The following PBX1 variants were observed in gnomAD, a reference collection of about 807,000 sequenced individuals.
PBX1 encodes the protein pre-B-cell leukemia transcription factor 1.
A neutral mutation model predicts 53.4 loss-of-function variants in PBX1; 6 were observed. That is an observed-to-expected ratio of 0.11 (90% CI 0.06 to 0.22). The LOEUF (loss-of-function observed/expected upper bound fraction) is 0.22, where lower values mean the gene tolerates loss of function less well. Among genes scored for constraint, PBX1 ranks in the 10% least tolerant of loss-of-function variants. The pLI is 1.00. For synonymous variants in PBX1, 204 were observed against 212.3 expected, an observed-to-expected ratio of 0.96 and a Z score of 0.34; for missense variants, 251 against 551.4, an observed-to-expected ratio of 0.46 and a Z score of 5.46.
chr1:164,857,130 C>A (rs750314576), intron 2 of PBX1, among the ~76,000 whole-genome samples: 11 of 152,176 alleles, frequency 7.2e-5, no homozygotes, highest in Non-Finnish European at 1.2e-4. Flanking sequence ...CAAGCCTGCC[C>A]TCACATCAGA....
chr1:164,665,705 C>T (rs1202306282), intron 2 of PBX1, among the ~76,000 whole-genome samples: 1 of 152,240 alleles, frequency 6.6e-6, no homozygotes, highest in East Asian at 1.9e-4. Flanking sequence ...ACTGGAAACA[C>T]CTCTACCTCT....
intron 2 of PBX1, among the ~76,000 whole-genome samples, chr1:164,643,154 A>G (rs1659244929): frequency 6.6e-6 from 1 of 152,212 alleles, no homozygotes; most frequent in South Asian, 2.1e-4. Flanking sequence ...TGCCCCATCC[A>G]TCTTCATCCA....
intron 2 of PBX1, among the ~76,000 whole-genome samples, chr1:164,636,637 A>G (rs1190092462): frequency 6.6e-6 from 1 of 152,194 alleles, no homozygotes; most frequent in East Asian, 1.9e-4. Context: ...TGCAGAGAAG[A>G]GCTTGAGAAG....
At chr1:164,683,474 G>C (rs1160530890) in intron 2 of PBX1, 1 of 152,182 alleles carries the variant, frequency 6.6e-6, no homozygotes, top group Non-Finnish European at 1.5e-5. Flanking sequence ...TATGACAACT[G>C]AGGCTCCAGG....
chr1:164,646,309 C>A (rs1389802992), intron 2 of PBX1, among the ~76,000 whole-genome samples: 1 of 152,176 alleles, frequency 6.6e-6, no homozygotes, highest in East Asian at 1.9e-4. Flanking sequence ...TTAAAATAAT[C>A]AATCTGATGT....
chr1:164,757,994 C>G (rs542020816), intron 2 of PBX1, among the ~76,000 whole-genome samples: 1 of 152,288 alleles, frequency 6.6e-6, no homozygotes, highest in East Asian at 1.9e-4. Context: ...GGTGATTAGA[C>G]TTTTCCTACA....
chr1:164,812,175 G>T (rs769329091), intron 6 of PBX1, 26 bp downstream of exon 6: 3 of 1,591,174 alleles, frequency 1.9e-6, no homozygotes, highest in Non-Finnish European at 2.6e-6. Context: ...GATTGGGGGT[G>T]GGGGAAGGAA....
intron 2 of PBX1, among the ~76,000 whole-genome samples, chr1:164,864,036 C>T (rs888281907): frequency 1.3e-5 from 2 of 152,122 alleles, no homozygotes; most frequent in Non-Finnish European, 2.9e-5. Flanking sequence ...CTCGTGAGCT[C>T]AGTCTGGTAA....
chr1:164,885,621 T>G (rs1672759602), intron 2 of PBX1, among the ~76,000 whole-genome samples: 1 of 152,196 alleles, frequency 6.6e-6, no homozygotes. Context: ...GGCTCCGTCT[T>G]CAAGCAATGG....
At chr1:164,675,404 C>T (rs1661376746) in intron 2 of PBX1, among the ~76,000 whole-genome samples, 1 of 152,064 alleles carries the variant, frequency 6.6e-6, no homozygotes, top group Non-Finnish European at 1.5e-5. Context: ...ACCTCAATTA[C>T]TTTTGTATCA....
chr1:164,731,417 A>G (rs1350593792), intron 2 of PBX1, among the ~76,000 whole-genome samples: 1 of 152,136 alleles, frequency 6.6e-6, no homozygotes, highest in African/African-American at 2.4e-5. Flanking sequence ...AGCGGGGGAA[A>G]CATAAATAAA....
chr1:164,587,950 A>C (rs77572581), intron 2 of PBX1, among the ~76,000 whole-genome samples: 1 of 152,316 alleles, frequency 6.6e-6, no homozygotes, highest in African/African-American at 2.4e-5. Context: ...AGAGAAGAGA[A>C]AGAGCCCTAG....
chr1:164,595,232 T>C (rs1655672996), intron 2 of PBX1, among the ~76,000 whole-genome samples: 1 of 152,240 alleles, frequency 6.6e-6, no homozygotes. Context: ...AATGAAGTTA[T>C]TGTTGCCCAG....
chr1:164,766,854 A>C (rs900451137), intron 2 of PBX1, among the ~76,000 whole-genome samples: 4 of 150,552 alleles, frequency 2.7e-5, no homozygotes, highest in African/African-American at 9.8e-5. Flanking sequence ...AGCCTCCTTG[A>C]GTAGCTGGGA....
intron 2 of PBX1, among the ~76,000 whole-genome samples, chr1:164,580,809 C>T (rs1654563655): frequency 6.6e-6 from 1 of 152,176 alleles, no homozygotes; most frequent in African/African-American, 2.4e-5. Flanking sequence ...GAACTCCTGA[C>T]CTCAGGTGAT....
At chr1:164,820,353 G>A (rs758747813) in intron 7 of PBX1, among the ~76,000 whole-genome samples, 169 bp downstream of exon 7, 7 of 152,104 alleles carry the variant, frequency 4.6e-5, no homozygotes, top group Admixed American at 1.3e-4. Context: ...GGGGAATCTC[G>A]TCCACACTTT....
intron 2 of PBX1, chr1:164,656,989 C>T (rs1288181823): frequency 6.6e-6 from 1 of 152,074 alleles, no homozygotes; most frequent in African/African-American, 2.4e-5. Context: ...TTCAAACTCC[C>T]ATATGGAGTA....
chr1:164,708,335 A>T (rs965523710), intron 2 of PBX1, among the ~76,000 whole-genome samples: 1 of 152,156 alleles, frequency 6.6e-6, no homozygotes, highest in African/African-American at 2.4e-5. Flanking sequence ...GATGACTGTT[A>T]TGTGTCAGGA....
chr1:164,866,758 A>G (rs547085363), intron 2 of PBX1, among the ~76,000 whole-genome samples: 1 of 152,324 alleles, frequency 6.6e-6, no homozygotes, highest in South Asian at 2.1e-4. Context: ...AGATAACTAT[A>G]CTTTGAAGAA....
Sources: allele counts gnomAD v4.1 joint callset (sites outside exome capture counted in the v4.1 genomes callset), GRCh38; gene constraint gnomAD v4.1.1; transcripts MANE v1.5; gene names NCBI Gene and HGNC (gene_info 2026-07-23, HGNC 2026-07-21).